The following SLC30A8 variants were observed in gnomAD, a reference collection of about 807,000 sequenced individuals.
SLC30A8 encodes the protein solute carrier family 30 member 8.
SLC30A8 carries 27 observed loss-of-function variants against 36.9 expected under a neutral mutation model. That is an observed-to-expected ratio of 0.73 (90% CI 0.54 to 1.01). The LOEUF is 1.01. Among genes scored for constraint, SLC30A8 ranks in the 50% least tolerant of loss-of-function variants. SLC30A8 has a pLI of 0.00. For synonymous variants in SLC30A8, 164 were observed against 172.4 expected (o/e 0.95, Z 0.38); for missense variants, 439 against 452.0 (o/e 0.97, Z 0.26).
At chr8:117,006,380 T>C (rs1816171400) in intron 1 of SLC30A8, among the ~76,000 whole-genome samples, 1 of 152,202 alleles carries the variant, frequency 6.6e-6, no homozygotes, top group African/African-American at 2.4e-5. Context: ...GTAAGCATTA[T>C]GCCCTCACCC....
intron 1 of SLC30A8, among the ~76,000 whole-genome samples, chr8:117,001,779 G>T (rs1032611688): frequency 6.6e-6 from 1 of 152,108 alleles, no homozygotes; most frequent in African/African-American, 2.4e-5. Flanking sequence ...TGGTTTCCTT[G>T]CCATAGAAAC....
intron 2 of SLC30A8, among the ~76,000 whole-genome samples, chr8:117,060,261 G>T (rs917251651): frequency 6.6e-6 from 1 of 152,088 alleles, no homozygotes; most frequent in African/African-American, 2.4e-5. Context: ...CAGAATAGGG[G>T]TCTGCACAGA....
chr8:117,042,903 T>G (rs1317452734), intron 2 of SLC30A8, among the ~76,000 whole-genome samples: 1 of 152,250 alleles, frequency 6.6e-6, no homozygotes, highest in African/African-American at 2.4e-5. Flanking sequence ...CTCGAACTCC[T>G]GACCTCAGGT....
At chr8:117,027,870 T>C (rs1472180689) in intron 1 of SLC30A8, among the ~76,000 whole-genome samples, 2 of 152,230 alleles carry the variant, frequency 1.3e-5, no homozygotes, top group African/African-American at 4.8e-5. Context: ...GGTTAAATCC[T>C]AATTCTGTCA....
intron 1 of SLC30A8, among the ~76,000 whole-genome samples, chr8:116,986,820 A>T (rs11993008): frequency 0.086 from 13,105 of 152,202 alleles, 1,871 homozygotes; most frequent in African/African-American, 0.3. Flanking sequence ...CATATTTTAT[A>T]GTTTAAAAGC....
chr8:117,005,083 TA>T (rs1816133275), intron 1 of SLC30A8, among the ~76,000 whole-genome samples: 1 of 152,194 alleles, frequency 6.6e-6, no homozygotes. Flanking sequence ...GTGTAACCGT[TA>T]CCACAGTTAA....
chr8:116,971,233 C>T (rs1407593456), intron 1 of SLC30A8, among the ~76,000 whole-genome samples: 1 of 152,020 alleles, frequency 6.6e-6, no homozygotes, highest in Non-Finnish European at 1.5e-5. Context: ...ATGTAGCAAA[C>T]CTACATATCC....
At chr8:116,958,460 G>T (rs552306334) in intron 1 of SLC30A8, among the ~76,000 whole-genome samples, 2 of 151,984 alleles carry the variant, frequency 1.3e-5, no homozygotes, top group Non-Finnish European at 2.9e-5. Context: ...TAGACTTGGG[G>T]CTGACAGTCT....
upstream of SLC30A8, chr8:117,130,150 T>G (rs1369416673): frequency 6.6e-6 from 1 of 151,968 alleles, no homozygotes; most frequent in Non-Finnish European, 1.5e-5. Flanking sequence ...AGAGATGAAT[T>G]AGTTGTAACG....
chr8:117,022,041 T>C (rs1040037840), intron 1 of SLC30A8, among the ~76,000 whole-genome samples: 1 of 151,142 alleles, frequency 6.6e-6, no homozygotes, highest in Non-Finnish European at 1.5e-5. Flanking sequence ...CTACTAAAAA[T>C]ACAAAAAAAT....
At chr8:117,045,386 A>G (rs1817519621) in intron 2 of SLC30A8, among the ~76,000 whole-genome samples, 1 of 152,162 alleles carries the variant, frequency 6.6e-6, no homozygotes, top group African/African-American at 2.4e-5. Context: ...CTTTTTTTAA[A>G]AAAAGCAGTT....
At chr8:117,138,420 C>G (rs1270270423) in intron 1 of SLC30A8, among the ~76,000 whole-genome samples, 2 of 152,034 alleles carry the variant, frequency 1.3e-5, no homozygotes, top group African/African-American at 4.8e-5. Flanking sequence ...CCATTAACCT[C>G]TGTTCTTCCC....
At chr8:116,968,300 CTT>C (rs993640625) in intron 1 of SLC30A8, among the ~76,000 whole-genome samples, 3 of 150,360 alleles carry the variant, frequency 2.0e-5, no homozygotes, top group African/African-American at 7.3e-5. Context: ...TATAGTATAG[CTT>C]ATAGCTATAC....
At chr8:117,011,957 G>A (rs1816357059) in intron 1 of SLC30A8, among the ~76,000 whole-genome samples, 1 of 152,164 alleles carries the variant, frequency 6.6e-6, no homozygotes, top group Admixed American at 6.6e-5. Flanking sequence ...CAGTGGGTAA[G>A]TTTTACTCTT....
intron 6 of SLC30A8, among the ~76,000 whole-genome samples, 170 bp from the exon 7 acceptor site, chr8:117,170,864 G>A (rs776352100): frequency 5.9e-5 from 9 of 152,130 alleles, no homozygotes; most frequent in Non-Finnish European, 1.0e-4. Flanking sequence ...TTGATTGATG[G>A]TAAACCTTGA....
At chr8:117,167,802 G>A in intron 6 of SLC30A8, among the ~76,000 whole-genome samples, 1 of 152,050 alleles carries the variant, frequency 6.6e-6, no homozygotes, top group South Asian at 2.1e-4. Context: ...ATTCCTAGAA[G>A]TGATATTGCT....
chr8:117,146,996 CAGAG>C lies in SLC30A8; in HGVS notation c.120_123del (p.Glu40AspfsTer45). 6.2e-7 allele frequency: 1 copy of C among 1,613,964 alleles called. No homozygotes were observed. Among genetic ancestry groups the C allele is most frequent in the Admixed American group, 1.7e-5 (1 of 60,008 alleles). On this transcript the variant is annotated frameshift_variant, in exon 2 of 8. Coordinates refer to ENST00000456015, the MANE Select transcript of SLC30A8 (RefSeq NM_173851.3). LOFTEE classifies it high-confidence loss of function. ...AACCGGTGAATAAAGATCAGTGTCC[CAGAG>C]AGAGACCAGAGGAGCTGGAGTCAGG...
chr8:117,038,115 C>T (rs1000867511), intron 1 of SLC30A8, among the ~76,000 whole-genome samples: 1 of 152,140 alleles, frequency 6.6e-6, no homozygotes, highest in African/African-American at 2.4e-5. Flanking sequence ...TTTTCTATTT[C>T]TCTAAACAGT....
chr8:117,018,831 T>G (rs1304169183), intron 1 of SLC30A8, among the ~76,000 whole-genome samples: 1 of 152,072 alleles, frequency 6.6e-6, no homozygotes, highest in East Asian at 1.9e-4. Context: ...AGCTAATTTT[T>G]TGTATTTTTA....
Sources: allele counts gnomAD v4.1 joint callset (sites outside exome capture counted in the v4.1 genomes callset), GRCh38; gene constraint gnomAD v4.1.1; transcripts MANE v1.5; gene names NCBI Gene and HGNC (gene_info 2026-07-23, HGNC 2026-07-21).